Variants in ARHGAP36 observed in about 807,000 individuals in gnomAD.
The protein encoded by ARHGAP36 is rho GTPase-activating protein 36.
ARHGAP36 carries 7 observed loss-of-function variants against 32.9 expected under a neutral mutation model. The ratio of observed to expected loss-of-function variants is 0.21; its 90% CI spans 0.12 to 0.40. The LOEUF is 0.40. Ranked by LOEUF, ARHGAP36 falls within the 10% of genes least tolerant of loss-of-function variation. The pLI, the probability that ARHGAP36 is intolerant of heterozygous loss-of-function variation, is 1.00. For missense variants in ARHGAP36, 383 were observed against 442.2 expected, an observed-to-expected ratio of 0.87 and a Z score of 1.20; for synonymous variants, 165 against 168.3, an observed-to-expected ratio of 0.98 and a Z score of 0.15.
intron 1 of ARHGAP36, among the ~76,000 whole-genome samples, chrX:131,068,936 C>T (rs5932832): frequency 1.8e-5 from 2 of 111,961 alleles, no homozygotes; most frequent in Middle Eastern, 4.6e-3. Flanking sequence ...TCCCCCCTCC[C>T]GCTTATGTCA....
At chrX:131,059,964 G>A (rs1214486332) in intron 1 of ARHGAP36, among the ~76,000 whole-genome samples, 1 of 111,392 alleles carries the variant, frequency 9.0e-6, no homozygotes, top group Non-Finnish European at 1.9e-5. Flanking sequence ...TCTAAAAACA[G>A]CAATGTCTAT....
chrX:131,069,620 C>T (rs891716606), intron 1 of ARHGAP36, among the ~76,000 whole-genome samples: 2 of 111,633 alleles, frequency 1.8e-5, no homozygotes, highest in Non-Finnish European at 3.8e-5. Flanking sequence ...TGCTCCCAAG[C>T]CAGGCCAGAA....
intron 1 of ARHGAP36, among the ~76,000 whole-genome samples, chrX:131,073,855 T>TAGAC (rs778653559): frequency 9.0e-6 from 1 of 110,929 alleles, no homozygotes; most frequent in African/African-American, 3.3e-5. Flanking sequence ...GATGGATGGA[T>TAGAC]AGACAGACAG....
At chrX:131,059,212 C>T (rs372496482) in intron 1 of ARHGAP36, among the ~76,000 whole-genome samples, 2 of 112,275 alleles carry the variant, frequency 1.8e-5, no homozygotes, top group Admixed American at 9.4e-5. Flanking sequence ...ACTGCTTCTA[C>T]AAAGTACATT....
intron 2 of ARHGAP36, 129 bp downstream of exon 2, chrX:131,082,047 C>A: frequency 1.2e-6 from 1 of 856,920 alleles, no homozygotes; most frequent in Non-Finnish European, 1.6e-6. Context: ...ATCAGTTCTC[C>A]TGGCGTCTGG....
intron 1 of ARHGAP36, among the ~76,000 whole-genome samples, chrX:131,073,313 C>T (rs941571839): frequency 6.2e-5 from 7 of 112,930 alleles, no homozygotes; most frequent in Non-Finnish European, 9.4e-5. Flanking sequence ...ACCCGCGCAG[C>T]GCACCTCAAC....
At chrX:131,062,395 T>C (rs1166372539) in intron 1 of ARHGAP36, among the ~76,000 whole-genome samples, 1 of 111,951 alleles carries the variant, frequency 8.9e-6, no homozygotes, top group Non-Finnish European at 1.9e-5. Context: ...ATCTATACAG[T>C]GATCTAGAAT....
At chrX:131,084,136 GTCA>G (rs1353672038) in intron 4 of ARHGAP36, 76 bp from the exon 5 acceptor site, 1 of 1,065,605 alleles carries the variant, frequency 9.4e-7, no homozygotes, top group Non-Finnish European at 1.3e-6. Context: ...TGTCCTGAAT[GTCA>G]TACATACAGT....
chrX:131,084,071 C>A, intron 4 of ARHGAP36, 102 bp downstream of exon 4: 1 of 1,057,100 alleles, frequency 9.5e-7, no homozygotes, highest in Non-Finnish European at 1.3e-6. Context: ...CAGGGGGGAG[C>A]TGAACACAAT....
intron 1 of ARHGAP36, among the ~76,000 whole-genome samples, chrX:131,060,597 T>A (rs1603392078): frequency 8.9e-6 from 1 of 112,598 alleles, no homozygotes; most frequent in Non-Finnish European, 1.9e-5. Flanking sequence ...ACCCAAGTTC[T>A]TTTTGGAGTC....
At chrX:131,074,424 T>C (rs1180792450) in intron 1 of ARHGAP36, among the ~76,000 whole-genome samples, 1 of 108,977 alleles carries the variant, frequency 9.2e-6, no homozygotes, top group African/African-American at 3.4e-5. Flanking sequence ...TACATGGATG[T>C]CTGTGAGTGG....
At chrX:131,075,192 C>G (rs2079754786) in intron 1 of ARHGAP36, among the ~76,000 whole-genome samples, 1 of 112,019 alleles carries the variant, frequency 8.9e-6, no homozygotes, top group African/African-American at 3.2e-5. Context: ...AGAAATGTAC[C>G]CTTTGGAGAA....
chrX:131,065,017 A>G (rs1265329825), intron 1 of ARHGAP36, among the ~76,000 whole-genome samples: 1 of 97,139 alleles, frequency 1.0e-5, no homozygotes, highest in African/African-American at 3.8e-5. Context: ...AGCGATTTTA[A>G]GCTCCAAGGA....
intron 3 of ARHGAP36, 88 bp downstream of exon 3, chrX:131,083,318 C>A: frequency 1.1e-6 from 1 of 919,818 alleles, no homozygotes; most frequent in Non-Finnish European, 1.5e-6. Flanking sequence ...GACTGGGTGG[C>A]GTCCACTGTC....
intron 4 of ARHGAP36, 118 bp downstream of exon 4, chrX:131,084,087 G>A: frequency 9.7e-7 from 1 of 1,036,108 alleles, no homozygotes; most frequent in Non-Finnish European, 1.3e-6. Flanking sequence ...ACAATATGTT[G>A]AAGTGGTGTC....
chrX:131,074,154 C>G (rs2079747564), intron 1 of ARHGAP36, among the ~76,000 whole-genome samples: 1 of 111,478 alleles, frequency 9.0e-6, no homozygotes, highest in African/African-American at 3.3e-5. Flanking sequence ...TTGATATGGC[C>G]TCTGTTCAGA....
At chrX:131,079,369 G>T (rs1255336063) in intron 1 of ARHGAP36, among the ~76,000 whole-genome samples, 1 of 111,359 alleles carries the variant, frequency 9.0e-6, no homozygotes, top group African/African-American at 3.3e-5. Context: ...GCAGTTGAAG[G>T]TTTAATATCT....
At chrX:131,088,496 G>A (rs932110377) in intron 11 of ARHGAP36, 132 bp from the exon 12 acceptor site, 34 of 588,966 alleles carry the variant, frequency 5.8e-5, no homozygotes, top group Non-Finnish European at 8.3e-5. Flanking sequence ...GTCAAATGGG[G>A]ATAATCATCC....
At chrX:131,060,254 G>A (rs1435361617) in intron 1 of ARHGAP36, among the ~76,000 whole-genome samples, 1 of 112,122 alleles carries the variant, frequency 8.9e-6, no homozygotes, top group African/African-American at 3.3e-5. Flanking sequence ...CAGGCCAAAA[G>A]AGGCTTTCCA....
Sources: allele counts gnomAD v4.1 joint callset (sites outside exome capture counted in the v4.1 genomes callset), GRCh38; gene constraint gnomAD v4.1.1; transcripts MANE v1.5; gene names NCBI Gene and HGNC (gene_info 2026-07-23, HGNC 2026-07-21).